Variants in LNPEP observed in about 807,000 individuals in gnomAD.
LNPEP encodes the protein leucyl-cystinyl aminopeptidase.
In LNPEP, 64 loss-of-function variants were observed where a neutral mutation model predicts 120.6. The ratio of observed to expected loss-of-function variants is 0.53; its 90% confidence interval spans 0.43 to 0.65. The LOEUF (loss-of-function observed/expected upper bound fraction) is 0.65. Ranked by LOEUF, LNPEP falls within the 30% of genes least tolerant of loss-of-function variation. The pLI is 0.00. For synonymous variants in LNPEP, 435 were observed against 425.4 expected, an observed-to-expected ratio of 1.02 and a Z score of -0.28; for missense variants, 1,057 against 1,200.0, an observed-to-expected ratio of 0.88 and a Z score of 1.76.
chr5:96,990,562 T>G (rs560072923), intron 4 of LNPEP, among the ~76,000 whole-genome samples: 38 of 152,336 alleles, frequency 2.5e-4, no homozygotes, highest in Admixed American at 7.8e-4. Flanking sequence ...TATTGAACAC[T>G]TAGACATTGT....
chr5:96,955,031 C>G (rs1789429571), intron 1 of LNPEP, among the ~76,000 whole-genome samples: 1 of 149,926 alleles, frequency 6.7e-6, no homozygotes, highest in African/African-American at 2.4e-5. Flanking sequence ...ATCCGCCTGC[C>G]TCGGCCTCCC....
chr5:96,996,404 G>A lies in LNPEP; in HGVS notation c.1422G>A (p.Leu474=). Residue 474 remains leucine, a synonymous_variant, in exon 7 of 18, where the codon CTG becomes CTA. Coordinates refer to ENST00000231368, the MANE Select transcript of LNPEP (RefSeq NM_005575.3). ...HELAHQWFGN[L]VTMKWWNDLW... is the part of the protein sequence containing the mutation. ...TCTCCCCCCAGTGGTTTGGCAATCT[G>A]GTAACAATGAAGTGGTGGAATGACC... is the stretch of plus-strand genomic sequence containing the variant. 1 of 1,605,510 alleles carries A rather than the reference G, an allele frequency of 6.2e-7. No homozygotes were observed. The highest frequency in any genetic ancestry group is 1.1e-5 in the South Asian group (1 of 90,874).
intron 1 of LNPEP, among the ~76,000 whole-genome samples, chr5:96,961,042 A>C (rs1789594139): frequency 6.6e-6 from 1 of 152,160 alleles, no homozygotes; most frequent in Non-Finnish European, 1.5e-5. Flanking sequence ...GTGAAAGTTC[A>C]TTTAAATATT....
intron 16 of LNPEP, among the ~76,000 whole-genome samples, chr5:97,027,504 A>G (rs189837863): frequency 6.6e-6 from 1 of 152,186 alleles, no homozygotes; most frequent in African/African-American, 2.4e-5. Context: ...ATCTTCGACA[A>G]TGTTAAGCGG....
chr5:97,007,987 C>G (rs1359796291), intron 11 of LNPEP, among the ~76,000 whole-genome samples: 4 of 152,120 alleles, frequency 2.6e-5, no homozygotes, highest in Non-Finnish European at 4.4e-5. Flanking sequence ...CAGCAACAAT[C>G]TAATTATTTA....
intron 1 of LNPEP, among the ~76,000 whole-genome samples, chr5:96,946,906 G>C (rs1336845460): frequency 2.0e-5 from 3 of 152,156 alleles, no homozygotes; most frequent in Admixed American, 1.3e-4. Flanking sequence ...ATACATTGAA[G>C]AGTTCTTATA....
intron 15 of LNPEP, among the ~76,000 whole-genome samples, chr5:97,024,903 C>T (rs1417471567): frequency 6.6e-6 from 1 of 152,154 alleles, no homozygotes; most frequent in African/African-American, 2.4e-5. Flanking sequence ...TGTCAGGAGT[C>T]ACAGCCCCCT....
At chr5:97,010,097 G>A (rs1283110024) in intron 11 of LNPEP, 1 of 173,630 alleles carries the variant, frequency 5.8e-6, no homozygotes, top group African/African-American at 2.4e-5. Context: ...TGAACAATTA[G>A]TATTTATTGT....
chr5:96,952,776 AC>A (rs1332092786), intron 1 of LNPEP, among the ~76,000 whole-genome samples: 1 of 148,572 alleles, frequency 6.7e-6, no homozygotes, highest in African/African-American at 2.5e-5. Flanking sequence ...CTTTCCCAAC[AC>A]CCCAGCCCCT....
intron 2 of LNPEP, among the ~76,000 whole-genome samples, chr5:96,984,409 G>A (rs557746634): frequency 6.6e-6 from 1 of 152,266 alleles, no homozygotes; most frequent in South Asian, 2.1e-4. Context: ...GGGTCCAGGT[G>A]CTGGGGTGAT....
chr5:96,958,180 A>G (rs984400406), intron 1 of LNPEP, among the ~76,000 whole-genome samples: 10 of 152,238 alleles, frequency 6.6e-5, no homozygotes, highest in Admixed American at 1.3e-4. Context: ...TTTTGACCCT[A>G]TAACCTATTA....
intron 1 of LNPEP, among the ~76,000 whole-genome samples, chr5:96,941,872 A>G (rs550070564): frequency 3.9e-4 from 59 of 152,238 alleles, no homozygotes; most frequent in Non-Finnish European, 7.9e-4. Context: ...TTGGGGGTAA[A>G]GGAAGAAGCT....
At chr5:97,026,898 G>A in intron 16 of LNPEP, 141 bp downstream of exon 16, 2 of 646,910 alleles carry the variant, frequency 3.1e-6, no homozygotes, top group African/African-American at 1.8e-5. Context: ...GAAACATCCG[G>A]AAATTTTCAC....
intron 1 of LNPEP, among the ~76,000 whole-genome samples, chr5:96,939,750 A>G (rs1484524457): frequency 2.6e-5 from 4 of 152,146 alleles, no homozygotes; most frequent in African/African-American, 9.7e-5. Flanking sequence ...GTATTTTTCA[A>G]CTTCAAAAAT....
Position 97,028,471 on chromosome 5 carries a change from G to C in LNPEP, c.3016G>C (p.Val1006Leu). The stretch of plus-strand genomic sequence containing the variant: ...TCGTTGTGTCCAGGAGGCTTTGGAA[G>C]TCATTCAGTTGAATATCCAGTGGAT... ...RLRCVQEALE[V>L]IQLNIQWMEK... is the part of the protein sequence containing the mutation. Residue 1006 changes from valine (V) to leucine (L), a missense_variant, in exon 18 of 18, where the codon GTC (valine) becomes CTC (leucine). Transcript: ENST00000231368. The C allele has an allele frequency of 3.1e-6, 5 of 1,614,026 alleles. No homozygotes were observed. Among genetic ancestry groups the C allele is most frequent in the Non-Finnish European group, 4.2e-6 (5 of 1,179,890 alleles).
intron 6 of LNPEP, among the ~76,000 whole-genome samples, chr5:96,994,390 ATAAC>A (rs1790459654): frequency 6.6e-6 from 1 of 151,998 alleles, no homozygotes; most frequent in African/African-American, 2.4e-5. Flanking sequence ...ATTGCCCAGT[ATAAC>A]TTTGTGGGGA....
intron 13 of LNPEP, among the ~76,000 whole-genome samples, chr5:97,016,349 A>G (rs1230760052): frequency 2.0e-5 from 3 of 152,112 alleles, no homozygotes; most frequent in Non-Finnish European, 4.4e-5. Flanking sequence ...AGTGCATTTG[A>G]GTGCTTTTAC....
At chr5:96,997,258 T>C (rs1790535781) in intron 7 of LNPEP, among the ~76,000 whole-genome samples, 1 of 152,130 alleles carries the variant, frequency 6.6e-6, no homozygotes, top group South Asian at 2.1e-4. Flanking sequence ...TAATCCAAGA[T>C]GGCTTTTAAA....
chr5:96,993,900 G>C lies in LNPEP; in HGVS notation c.1336G>C (p.Asp446His), dbSNP rs1018206072. The C allele has an allele frequency of 6.2e-7, 1 of 1,613,930 alleles. No individual in the cohort carries two copies. The highest frequency in any genetic ancestry group is 8.5e-7 in the Non-Finnish European group (1 of 1,179,848). ...CTTCCGAGAGGAGACACTTCTGTAT[G>C]ACAGTAACACTTCTTCAATGGCGGA... ...LTFREETLLY[D>H]SNTSSMADRK... The change falls in exon 6 of 18, where the codon GAC becomes CAC. Residue 446 changes from aspartate to histidine, a missense_variant. Asp to His is a moderately conservative substitution (Grantham distance 81). Transcript: ENST00000231368.
Sources: gnomAD v4.1 joint callset for allele counts (sites outside exome capture counted in the v4.1 genomes callset) on GRCh38, gnomAD v4.1.1 for gene constraint, MANE v1.5 for transcripts, NCBI Gene and HGNC (gene_info 2026-07-23, HGNC 2026-07-21) for gene names.